Variants in NRG1 observed in about 807,000 individuals in gnomAD.
NRG1 encodes the protein neuregulin 1, also known as pro-neuregulin-1, membrane-bound isoform.
In NRG1, 18 loss-of-function variants were observed where a neutral mutation model predicts 63.8. That is an observed-to-expected ratio of 0.28 (90% CI 0.19 to 0.42). NRG1 has a LOEUF of 0.42. Among genes scored for constraint, NRG1 ranks in the 10% least tolerant of loss-of-function variants. The pLI is 1.00. For synonymous variants in NRG1, 302 were observed against 301.3 expected, an observed-to-expected ratio of 1.00 and a Z score of -0.02; for missense variants, 762 against 814.7, an observed-to-expected ratio of 0.94 and a Z score of 0.79.
chr8:32,080,764 C>T (rs1007532107), intron 1 of NRG1, among the ~76,000 whole-genome samples: 1 of 148,728 alleles, frequency 6.7e-6, no homozygotes, highest in African/African-American at 2.5e-5. Flanking sequence ...TGTGTGTGTG[C>T]GTGTGTGTGT....
At chr8:32,523,144 G>T (rs934618477) in intron 1 of NRG1, among the ~76,000 whole-genome samples, 4 of 152,110 alleles carry the variant, frequency 2.6e-5, no homozygotes, top group African/African-American at 9.7e-5. Flanking sequence ...TCAAAGAAAT[G>T]CTCAATGCCT....
At chr8:32,220,742 C>T (rs1017220281) in intron 1 of NRG1, among the ~76,000 whole-genome samples, 1 of 152,176 alleles carries the variant, frequency 6.6e-6, no homozygotes, top group Non-Finnish European at 1.5e-5. Context: ...CAGCAACGCC[C>T]CTCCCGGAGC....
At chr8:32,372,611 C>T (rs1809053255) in intron 1 of NRG1, among the ~76,000 whole-genome samples, 1 of 152,076 alleles carries the variant, frequency 6.6e-6, no homozygotes, top group Admixed American at 6.6e-5. Context: ...AGGCAATGGA[C>T]ACAACAGTCT....
intron 1 of NRG1, among the ~76,000 whole-genome samples, chr8:31,795,761 G>A (rs1026841061): frequency 2.1e-4 from 32 of 152,062 alleles, no homozygotes; most frequent in African/African-American, 7.7e-4. Context: ...CAGCCTCCTA[G>A]TGGTTAAGGT....
chr8:32,166,348 A>G (rs570021564), intron 1 of NRG1, among the ~76,000 whole-genome samples: 5 of 152,290 alleles, frequency 3.3e-5, no homozygotes, highest in East Asian at 1.9e-4. Flanking sequence ...TGATATTTAC[A>G]TATCTCCAGC....
intron 1 of NRG1, among the ~76,000 whole-genome samples, chr8:32,125,338 G>A (rs1450936830): frequency 4.6e-5 from 7 of 151,892 alleles, no homozygotes; most frequent in South Asian, 2.1e-4. Flanking sequence ...TTCTCAAGCC[G>A]TCTTTACTAT....
chr8:32,565,798 T>G (rs1837329462), intron 1 of NRG1, among the ~76,000 whole-genome samples: 1 of 152,210 alleles, frequency 6.6e-6, no homozygotes, highest in African/African-American at 2.4e-5. Context: ...GTTCTCACTC[T>G]CTATGCCTTG....
intron 1 of NRG1, among the ~76,000 whole-genome samples, chr8:32,291,533 C>CTTTTTTTT (rs757839225): frequency 7.1e-5 from 7 of 98,036 alleles, no homozygotes; most frequent in East Asian, 3.1e-4. Context: ...TTTTTATCCA[C>CTTTTTTTT]TTTTTTTTTT....
chr8:31,863,465 C>G (rs1044194194), intron 1 of NRG1, among the ~76,000 whole-genome samples: 1 of 152,118 alleles, frequency 6.6e-6, no homozygotes, highest in African/African-American at 2.4e-5. Flanking sequence ...CAGCCCTGAC[C>G]TCTGCACATC....
intron 1 of NRG1, among the ~76,000 whole-genome samples, chr8:32,515,855 C>G (rs765061559): frequency 7.9e-5 from 12 of 152,130 alleles, no homozygotes; most frequent in Non-Finnish European, 4.4e-5. Flanking sequence ...TTCTCCCATT[C>G]TGTAGGTTGT....
rs59103241 is a variant in NRG1 at position 32,650,655 on chromosome 8, CAAAAAAAAAAAAAA to C, written c.502+33783_502+33796del. 9.9e-4 allele frequency among the ~76,000 whole-genome samples: 57 copies of C among 57,826 alleles called. 1 individual carries two copies. The East Asian group carries it at 0.033, about 33-fold the overall frequency. 37.9% of individuals were successfully genotyped at this position (57,826 alleles called of 152,430 possible). On this transcript the variant is annotated intron_variant, in intron 5 of 11. Transcript: ENST00000356819. ...GTTGTAACCACTAATTAATGGAAAG[CAAAAAAAAAAAAAA>C]AAAAAAAAAAAAGCTTACAAAGGGA...
At chr8:31,747,594 T>C (rs978592129) in intron 1 of NRG1, among the ~76,000 whole-genome samples, 4 of 152,016 alleles carry the variant, frequency 2.6e-5, no homozygotes, top group Admixed American at 6.6e-5. Flanking sequence ...TTCTAGAGTT[T>C]AGGCCCTTCT....
intron 1 of NRG1, among the ~76,000 whole-genome samples, chr8:31,727,403 C>T (rs1338381610): frequency 1.3e-5 from 2 of 152,138 alleles, no homozygotes; most frequent in Admixed American, 1.3e-4. Flanking sequence ...CCTCTAATTT[C>T]TCATCGTTCT....
intron 1 of NRG1, among the ~76,000 whole-genome samples, chr8:32,513,402 T>C (rs143999750): frequency 1.4e-5 from 2 of 147,358 alleles, no homozygotes; most frequent in East Asian, 2.4e-4. Flanking sequence ...TCTTGCAACA[T>C]TTAGCTCTTC....
At chr8:32,771,715 A>AAAAATATAT (rs1343943621), downstream of NRG1, among the ~76,000 whole-genome samples, 77 of 111,844 alleles carry the variant, frequency 6.9e-4, 1 homozygote, top group Admixed American at 1.4e-3. Context: ...TTAAAAAAAA[A>AAAAATATAT]ATATATATAT....
At chr8:32,467,891 T>G (rs576295645) in intron 1 of NRG1, among the ~76,000 whole-genome samples, 1 of 152,286 alleles carries the variant, frequency 6.6e-6, no homozygotes, top group South Asian at 2.1e-4. Context: ...TCCCTCTTCT[T>G]TGTGTGAAAT....
intron 1 of NRG1, among the ~76,000 whole-genome samples, chr8:32,530,945 A>G (rs1292560805): frequency 6.6e-6 from 1 of 152,106 alleles, no homozygotes; most frequent in Non-Finnish European, 1.5e-5. Context: ...AGAAAATACA[A>G]AAATTAGCCA....
At chr8:32,595,174 CTTTTTAT>C (rs750201296) in intron 1 of NRG1, among the ~76,000 whole-genome samples, 2 of 151,990 alleles carry the variant, frequency 1.3e-5, no homozygotes, top group Non-Finnish European at 2.9e-5. Flanking sequence ...ACATATTCTC[CTTTTTAT>C]TTTTTATTTT....
chr8:32,129,748 T>C (rs1326288151), intron 1 of NRG1, among the ~76,000 whole-genome samples: 1 of 151,952 alleles, frequency 6.6e-6, no homozygotes, highest in Non-Finnish European at 1.5e-5. Flanking sequence ...CTAATCAACG[T>C]GCTTGCTTAA....
Sources: gnomAD v4.1 joint callset for allele counts (sites outside exome capture counted in the v4.1 genomes callset) on GRCh38, gnomAD v4.1.1 for gene constraint, MANE v1.5 for transcripts, NCBI Gene and HGNC (gene_info 2026-07-23, HGNC 2026-07-21) for gene names.